The following ARHGEF7 variants were observed in gnomAD, a reference collection of about 807,000 sequenced individuals.
The protein encoded by ARHGEF7 is Rho guanine nucleotide exchange factor 7, also known as PAK-interacting exchange factor beta.
Under a neutral mutation model 109.8 loss-of-function variants are expected in ARHGEF7, and 33 were observed. The observed-to-expected ratio is 0.30, with a 90% CI of 0.23 to 0.40. The LOEUF is 0.40. Ranked by LOEUF, ARHGEF7 falls within the 10% of genes least tolerant of loss-of-function variation. The probability of loss-of-function intolerance (pLI) is 1.00; values close to 1 mark genes in which losing one functional copy is unlikely to be tolerated. For missense variants in ARHGEF7, 938 were observed against 1,098.5 expected (o/e 0.85, Z 2.07); for synonymous variants, 458 against 424.6 (o/e 1.08, Z -0.97).
intron 2 of ARHGEF7, among the ~76,000 whole-genome samples, chr13:111,196,591 C>T (rs1466620534): frequency 6.6e-6 from 1 of 152,128 alleles, no homozygotes; most frequent in Non-Finnish European, 1.5e-5. Context: ...AATTCCTCTC[C>T]CCCTACAGCT....
chr13:111,227,985 A>G (rs1384801579), intron 5 of ARHGEF7, among the ~76,000 whole-genome samples: 1 of 152,182 alleles, frequency 6.6e-6, no homozygotes, highest in Non-Finnish European at 1.5e-5. Context: ...CCATTCCCCA[A>G]ATACTTACTT....
intron 4 of ARHGEF7, among the ~76,000 whole-genome samples, chr13:111,212,220 G>T (rs2082585148): frequency 6.6e-6 from 1 of 152,186 alleles, no homozygotes; most frequent in Non-Finnish European, 1.5e-5. Flanking sequence ...CTGCAGTGGA[G>T]GTTTTCACTT....
chr13:111,234,803 G>A (rs753131516), intron 6 of ARHGEF7, among the ~76,000 whole-genome samples: 1 of 152,000 alleles, frequency 6.6e-6, no homozygotes. Flanking sequence ...ACTTTGAGAA[G>A]ATCAGACTCC....
chr13:111,223,884 T>A (rs1401437292), intron 5 of ARHGEF7, among the ~76,000 whole-genome samples: 2 of 146,368 alleles, frequency 1.4e-5, no homozygotes, highest in African/African-American at 5.1e-5. Flanking sequence ...TGAGACAGAG[T>A]CTTGCTCTGT....
At chr13:111,136,857 TAAAG>T (rs2075112345) in intron 1 of ARHGEF7, among the ~76,000 whole-genome samples, 3 of 151,550 alleles carry the variant, frequency 2.0e-5, no homozygotes, top group Admixed American at 2.0e-4. Flanking sequence ...GCAAGACTAA[TAAAG>T]AAGAAAAGAG....
chr13:111,265,102 T>TA (rs1258038823), intron 8 of ARHGEF7, among the ~76,000 whole-genome samples: 5 of 92,000 alleles, frequency 5.4e-5, no homozygotes, highest in Non-Finnish European at 7.8e-5. Flanking sequence ...CCAGCCTGGG[T>TA]AACAAGAGAG....
chr13:111,217,949 T>C (rs559951800), intron 5 of ARHGEF7, 69 bp downstream of exon 5: 1 of 1,422,940 alleles, frequency 7.0e-7, no homozygotes, highest in South Asian at 1.3e-5. Flanking sequence ...GTACTTGACA[T>C]AGTGTTTACT....
At chr13:111,287,828 C>T (rs937272229) in intron 17 of ARHGEF7, among the ~76,000 whole-genome samples, 1 of 152,226 alleles carries the variant, frequency 6.6e-6, no homozygotes, top group Admixed American at 6.5e-5. Flanking sequence ...GTTCCATAGA[C>T]AAGATGATGG....
At chr13:111,236,948 A>G (rs1290887487) in intron 6 of ARHGEF7, among the ~76,000 whole-genome samples, 2 of 152,240 alleles carry the variant, frequency 1.3e-5, no homozygotes, top group Non-Finnish European at 2.9e-5. Flanking sequence ...CCTGAGCTAC[A>G]GAACAAGATT....
At chr13:111,201,299 T>C (rs1594647958) in intron 2 of ARHGEF7, among the ~76,000 whole-genome samples, 1 of 152,346 alleles carries the variant, frequency 6.6e-6, no homozygotes, top group South Asian at 2.1e-4. Flanking sequence ...ATATATGGCC[T>C]GTGTATTTCA....
intron 13 of ARHGEF7, 142 bp from the exon 14 acceptor site, chr13:111,280,130 C>G: frequency 1.3e-6 from 1 of 782,376 alleles, no homozygotes; most frequent in Non-Finnish European, 2.0e-6. Context: ...ATACACACAT[C>G]TGCTACAAAT....
intron 1 of ARHGEF7, among the ~76,000 whole-genome samples, chr13:111,123,994 A>G (rs2067390985): frequency 1.3e-5 from 2 of 148,272 alleles, no homozygotes. Flanking sequence ...TTATCTCCCA[A>G]CTTTTCTACT....
intron 6 of ARHGEF7, among the ~76,000 whole-genome samples, chr13:111,243,389 T>C (rs114572509): frequency 0.022 from 3,335 of 152,340 alleles, 127 homozygotes; most frequent in African/African-American, 0.077. Context: ...TCTCCTTTCC[T>C]TGTTGTCCAC....
chr13:111,133,001 C>T (rs1335358320), intron 1 of ARHGEF7, among the ~76,000 whole-genome samples: 1 of 151,994 alleles, frequency 6.6e-6, no homozygotes, highest in Non-Finnish European at 1.5e-5. Flanking sequence ...CACGTATATG[C>T]ATACATATTT....
intron 1 of ARHGEF7, chr13:111,116,535 A>C (rs1469482812): frequency 9.2e-6 from 1 of 108,388 alleles, no homozygotes; most frequent in African/African-American, 3.7e-5. Context: ...AAATACTAAA[A>C]TCTTATTCCC....
intron 1 of ARHGEF7, among the ~76,000 whole-genome samples, chr13:111,124,923 C>T (rs2067457041): frequency 6.6e-6 from 1 of 152,122 alleles, no homozygotes; most frequent in South Asian, 2.1e-4. Flanking sequence ...CCATGCCCGG[C>T]TAATTTTTGT....
intron 15 of ARHGEF7, 184 bp from the exon 16 acceptor site, chr13:111,282,955 C>T (rs2092849021): frequency 7.1e-6 from 6 of 840,314 alleles, no homozygotes; most frequent in East Asian, 2.7e-5. Context: ...CCAGGTGGCG[C>T]GAGCTAGTGT....
At chr13:111,285,361 C>T (rs2092974358) in intron 16 of ARHGEF7, among the ~76,000 whole-genome samples, 1 of 152,212 alleles carries the variant, frequency 6.6e-6, no homozygotes, top group East Asian at 1.9e-4. Context: ...GTTTAGCATT[C>T]GTGATGGTTT....
chr13:111,126,011 G>C (rs577338091), intron 1 of ARHGEF7, among the ~76,000 whole-genome samples: 1 of 152,304 alleles, frequency 6.6e-6, no homozygotes, highest in South Asian at 2.1e-4. Context: ...AATCAGTCCA[G>C]GCCTCTGTTT....
Sources: gnomAD v4.1 joint callset for allele counts (sites outside exome capture counted in the v4.1 genomes callset) on GRCh38, gnomAD v4.1.1 for gene constraint, MANE v1.5 for transcripts, NCBI Gene and HGNC (gene_info 2026-07-23, HGNC 2026-07-21) for gene names.